Variants in ANAPC15 observed in about 807,000 individuals in gnomAD.
ANAPC15 encodes the protein anaphase-promoting complex subunit 15.
In ANAPC15, 13 loss-of-function variants were observed where a neutral mutation model predicts 19.8. That is an observed-to-expected ratio of 0.66 (90% CI 0.43 to 1.04). The LOEUF (loss-of-function observed/expected upper bound fraction) is 1.04. ANAPC15 is among the 50% of genes least tolerant of loss of function. The probability of loss-of-function intolerance (pLI) is 0.00; values close to 1 mark genes in which losing one functional copy is unlikely to be tolerated. For synonymous variants in ANAPC15, 45 were observed against 50.7 expected, an observed-to-expected ratio of 0.89 and a Z score of 0.47; for missense variants, 88 against 150.3, an observed-to-expected ratio of 0.59 and a Z score of 2.17.
In ANAPC15 at chr11:72,110,194, T is replaced by G. The variant is rs1565335684; in HGVS notation, c.212A>C (p.Glu71Ala). The part of the protein sequence containing the change: ...HYDDEEEEDD[E>A]DDEDSEEDSE... ...GTCCTCTTCACTATCCTCATCATCT[T>G]CATCATCCTCTTCTTCCTCGTCATC... The change falls in exon 5 of 6, where the codon GAA (glutamate) becomes GCA (alanine). Residue 71 changes from glutamate to alanine, a missense_variant. Physicochemically the swap from Glu to Ala is moderately radical, Grantham distance 107. Coordinates refer to ENST00000227618, the MANE Select transcript of ANAPC15 (RefSeq NM_014042.3). 1 of 1,614,116 alleles carries G rather than the reference T, an allele frequency of 6.2e-7. No individual in the cohort carries two copies. The highest frequency in any genetic ancestry group is 8.5e-7 in the Non-Finnish European group (1 of 1,180,030).
At chr11:72,109,296 C>T, downstream of ANAPC15, 1 of 472,190 alleles carries the variant, frequency 2.1e-6, no homozygotes, top group East Asian at 6.5e-5. Context: ...CAGGGGCCTC[C>T]CAGTTCTCGG....
At chr11:72,108,216 C>T (rs556848324), downstream of ANAPC15, 58 of 1,122,022 alleles carry the variant, frequency 5.2e-5, no homozygotes, top group Non-Finnish European at 6.9e-5. Flanking sequence ...GAAGGAAGCA[C>T]CTCCACTCTG....
At chr11:72,111,328 G>A (rs1460003852) in intron 2 of ANAPC15, 42 bp from the exon 3 acceptor site, 3 of 1,484,854 alleles carry the variant, frequency 2.0e-6, no homozygotes, top group East Asian at 2.3e-5. Flanking sequence ...CTTTGTTTTT[G>A]TTTTTAATTT....
At chr11:72,107,845 T>C (rs1591191577), downstream of ANAPC15, 4 of 1,487,532 alleles carry the variant, frequency 2.7e-6, no homozygotes, top group Non-Finnish European at 1.8e-6. Flanking sequence ...GTGAGGCAGG[T>C]AGGCATTTGA....
intron 4 of ANAPC15, 98 bp from the exon 5 acceptor site, chr11:72,110,323 C>A: frequency 6.3e-7 from 1 of 1,588,132 alleles, no homozygotes; most frequent in Non-Finnish European, 8.6e-7. Flanking sequence ...ATGAATGACC[C>A]CCTACCCCGA....
chr11:72,108,634 C>A (rs373088272), downstream of ANAPC15: 36 of 1,495,846 alleles, frequency 2.4e-5, no homozygotes, highest in Non-Finnish European at 3.0e-5. Context: ...GCTCAGAGGA[C>A]GTGATCCCGT....
chr11:72,108,200 T>C (rs1176430682), downstream of ANAPC15: 9 of 1,286,698 alleles, frequency 7.0e-6, no homozygotes. Flanking sequence ...GACTCCCATC[T>C]AAGGAGAAGG....
At chr11:72,111,585 C>A in intron 1 of ANAPC15, 89 bp from the exon 2 acceptor site, 1 of 248,734 alleles carries the variant, frequency 4.0e-6, no homozygotes, top group Non-Finnish European at 8.1e-6. Flanking sequence ...TGTTTGCAGG[C>A]TGTTCAAGGA....
downstream of ANAPC15, chr11:72,108,096 C>T (rs1351905407): frequency 6.5e-7 from 1 of 1,530,144 alleles, no homozygotes; most frequent in Non-Finnish European, 8.8e-7. Context: ...ACTCATCCGC[C>T]TGGCCGGCTT....
At chr11:72,107,709 A>C, downstream of ANAPC15, 1 of 619,274 alleles carries the variant, frequency 1.6e-6, no homozygotes, top group South Asian at 1.9e-5. Flanking sequence ...AGGAGTAATA[A>C]GGTCAGATTT....
downstream of ANAPC15, chr11:72,108,878 G>C (rs1946021788): frequency 6.5e-7 from 1 of 1,549,896 alleles, no homozygotes; most frequent in African/African-American, 1.4e-5. Flanking sequence ...AGACTTCCCT[G>C]CCATCAAGGA....
downstream of ANAPC15, chr11:72,106,407 A>G (rs1032698535): frequency 6.9e-5 from 40 of 576,858 alleles, no homozygotes; most frequent in African/African-American, 7.2e-4. Flanking sequence ...CCTCTTTTGT[A>G]TTAGGAATGT....
At chr11:72,110,747 T>C (rs1242180799) in intron 3 of ANAPC15, 144 bp from the exon 4 acceptor site, 1 of 758,628 alleles carries the variant, frequency 1.3e-6, no homozygotes, top group Admixed American at 2.9e-5. Flanking sequence ...ACAATCCCTT[T>C]CTTGTCATCT....
Position 72,109,841 on chromosome 11 carries a change from C to T in ANAPC15, c.*40G>A. 1 of 1,611,282 alleles carries T rather than the reference C, an allele frequency of 6.2e-7. No individual in the cohort carries two copies. Among genetic ancestry groups the T allele is most frequent in the Non-Finnish European group, 8.5e-7 (1 of 1,178,982 alleles). ...GGGTTGGGATGCAGGGTAGTTTGGG[C>T]TGGCCTGGAATCTCCCTGAGGCCAC... On this transcript the variant is annotated 3_prime_UTR_variant, in exon 6 of 6. Transcript: ENST00000227618.
At position 72,110,172 on chromosome 11, in the gene ANAPC15, C is replaced by T. The variant is rs765130044; in HGVS notation, c.234G>A (p.Glu78=). ...GCATATCCTCATCATCCTCTGAGTC[C>T]TCTTCACTATCCTCATCATCTTCAT... is the stretch of plus-strand genomic sequence containing the variant. The part of the protein sequence containing the change: ...EDDEDDEDSE[E]DSEDDEDMQD... The change falls in exon 5 of 6, where the codon GAG becomes GAA. Residue 78 remains glutamate (E), a synonymous_variant. Transcript: ENST00000227618. The T allele has an allele frequency of 6.2e-7, 1 of 1,614,114 alleles. No homozygotes were observed. Among genetic ancestry groups the T allele is most frequent in the South Asian group, 1.1e-5 (1 of 91,074 alleles).
chr11:72,112,052 T>C (rs1333316487), intron 1 of ANAPC15: 1 of 153,034 alleles, frequency 6.5e-6, no homozygotes, highest in Non-Finnish European at 1.5e-5. Context: ...GGTCATACAG[T>C]GTGTCGGGGC....
chr11:72,108,926 G>A (rs1275546069), downstream of ANAPC15: 3 of 1,523,380 alleles, frequency 2.0e-6, no homozygotes, highest in Admixed American at 4.0e-5. Context: ...ACCAGGCTGA[G>A]GTCCAGGCCC....
downstream of ANAPC15, chr11:72,107,951 G>A: frequency 6.4e-7 from 1 of 1,551,740 alleles, no homozygotes; most frequent in Non-Finnish European, 8.7e-7. Flanking sequence ...TGGTGGAGGA[G>A]AAGGCCCCTG....
chr11:72,109,463 C>T (rs150413720), downstream of ANAPC15: 277 of 399,974 alleles, frequency 6.9e-4, 3 homozygotes, highest in East Asian at 0.019. Context: ...CCTGGCCTTC[C>T]CTAACTCTGG....
Sources: gnomAD v4.1 joint callset for allele counts on GRCh38, gnomAD v4.1.1 for gene constraint, MANE v1.5 for transcripts, NCBI Gene and HGNC (gene_info 2026-07-23, HGNC 2026-07-21) for gene names.